ITPR3: variants seen among roughly 807,000 people sequenced by gnomAD.
ITPR3 encodes the protein inositol 1,4,5-trisphosphate receptor type 3.
In ITPR3, 173 loss-of-function variants were observed where a neutral mutation model predicts 293.2. The observed-to-expected ratio is 0.59, with a 90% CI of 0.52 to 0.67. The LOEUF (loss-of-function observed/expected upper bound fraction) is 0.67, where lower values mean the gene tolerates loss of function less well. Among genes scored for constraint, ITPR3 ranks in the 30% least tolerant of loss-of-function variants. The probability of loss-of-function intolerance (pLI) is 0.00; values close to 1 mark genes in which losing one functional copy is unlikely to be tolerated. For missense variants in ITPR3, 2,796 were observed against 3,592.1 expected, an observed-to-expected ratio of 0.78 and a Z score of 5.66; for synonymous variants, 1,295 against 1,444.4, an observed-to-expected ratio of 0.90 and a Z score of 2.35.
chr6:33,649,079 A>G (rs1183037978), intron 2 of ITPR3, among the ~76,000 whole-genome samples: 1 of 145,690 alleles, frequency 6.9e-6, no homozygotes, highest in Non-Finnish European at 1.5e-5. Context: ...ATTTTTTTGT[A>G]TTTTCAGTAG....
At chr6:33,673,322 C>T (rs113087730) in intron 22 of ITPR3, among the ~76,000 whole-genome samples, 2 of 152,118 alleles carry the variant, frequency 1.3e-5, no homozygotes, top group African/African-American at 2.4e-5. Context: ...CAGGGGTGCT[C>T]GCTGCCTCAT....
chr6:33,626,028 A>G (rs1478644281), intron 1 of ITPR3, among the ~76,000 whole-genome samples: 1 of 152,136 alleles, frequency 6.6e-6, no homozygotes, highest in Non-Finnish European at 1.5e-5. Context: ...TTAATCTCCC[A>G]GGCTCAAGCA....
At chr6:33,627,251 C>T (rs1763569104) in intron 1 of ITPR3, among the ~76,000 whole-genome samples, 2 of 152,028 alleles carry the variant, frequency 1.3e-5, no homozygotes, top group Admixed American at 6.5e-5. Flanking sequence ...AAAAAATATA[C>T]ATTCCATGGA....
Position 33,670,217 on chromosome 6 carries a change from A to T in ITPR3, c.2190-108A>T. ...CAGAATTGCAGCTGGCGCATCTTTA[A>T]CCTAATCCCTTTGCCACTTTACTGA... On this transcript the variant is annotated intron_variant, in intron 18 of 57. Coordinates refer to ENST00000605930, the MANE Select transcript of ITPR3 (RefSeq NM_002224.4). The surrounding 1 kb of genome is among the most constrained non-coding windows in gnomAD (Gnocchi z 6.7). The T allele has an allele frequency of 8.2e-7, 1 of 1,214,412 alleles. No homozygotes were observed. The highest frequency in any genetic ancestry group is 1.2e-6 in the Non-Finnish European group (1 of 844,848). 75.2% of individuals were successfully genotyped at this position (1,214,412 alleles called of 1,614,324 possible). A position where few individuals can be genotyped will look rare whatever the true frequency, so the allele number is the denominator to read the frequency against.
intron 25 of ITPR3, 126 bp from the exon 26 acceptor site, chr6:33,676,642 C>G: frequency 8.8e-7 from 1 of 1,134,548 alleles, no homozygotes; most frequent in African/African-American, 1.6e-5. Context: ...TGGGAATCGG[C>G]TCGGTGGAGA....
At position 33,673,646 on chromosome 6, in the gene ITPR3, A is replaced by G; in HGVS notation, c.2984A>G (p.Lys995Arg). The G allele has an allele frequency of 6.2e-7, 1 of 1,614,154 alleles. No individual in the cohort carries two copies. The highest frequency in any genetic ancestry group is 8.5e-7 in the Non-Finnish European group (1 of 1,180,008). Reference protein sequence around the residue: ...YRISYLLSVFKKEFVEVFPMQ... With the variant: ...YRISYLLSVFRKEFVEVFPMQ... ...ATATCCTACCTGCTGTCTGTCTTCA[A>G]GAAGGAGTTTGTGGAGGTGTTTCCC... The change falls in exon 23 of 58, where the codon AAG becomes AGG. Residue 995 changes from lysine (K) to arginine (R), a missense_variant. Physicochemically the swap from Lys to Arg is conservative, Grantham distance 26. This residue lies in a region of ITPR3 where 955 missense variants were observed against 1,180.8 expected (regional missense o/e 0.81). Transcript: ENST00000605930.
chr6:33,693,511 C>A, intron 55 of ITPR3, 34 bp from the exon 56 acceptor site: 1 of 1,608,500 alleles, frequency 6.2e-7, no homozygotes, highest in Non-Finnish European at 8.5e-7. Context: ...CTCTTGAAGG[C>A]TGATGGTTTC....
chr6:33,678,878 T>G, intron 30 of ITPR3, 39 bp downstream of exon 30: 5 of 1,560,700 alleles, frequency 3.2e-6, no homozygotes, highest in African/African-American at 1.4e-5. Context: ...CATCTTGGGG[T>G]GGGGGACCGG....
chr6:33,680,002 C>G lies in ITPR3; in HGVS notation c.4093C>G (p.His1365Asp). 1 of 1,613,954 alleles carries G rather than the reference C, an allele frequency of 6.2e-7. No individual in the cohort carries two copies. Among genetic ancestry groups the G allele is most frequent in the Non-Finnish European group, 8.5e-7 (1 of 1,180,042 alleles). ...GVEDHSPLMYHISLVDLLAAC... is the reference protein window; with the variant it reads ...GVEDHSPLMYDISLVDLLAAC... Reference sequence around the variant, plus strand: ...GGAGGACCACAGCCCCCTCATGTACCACATTTCCCTGGTGGACCTGCTGGC... The same window carrying G: ...GGAGGACCACAGCCCCCTCATGTACGACATTTCCCTGGTGGACCTGCTGGC... Residue 1365 changes from histidine (H) to aspartate (D), a missense_variant, in exon 31 of 58, where the codon CAC becomes GAC. His to Asp is a moderately conservative substitution (Grantham distance 81). Transcript: ENST00000605930.
In ITPR3 at chr6:33,685,784, G is replaced by A. The variant is rs770680251; in HGVS notation, c.5624G>A (p.Arg1875His). Residue 1875 changes from arginine (R) to histidine (H), a missense_variant, in exon 41 of 58, where the codon CGC becomes CAC. This residue lies in a region of ITPR3 where 704 missense variants were observed against 797.5 expected (regional missense o/e 0.88). Coordinates refer to ENST00000605930, the MANE Select transcript of ITPR3 (RefSeq NM_002224.4). ...TSVLIMQPIL[R>H]FLQLLCENHN... is the part of the protein sequence containing the mutation. ...GTGCTCATCATGCAGCCCATCCTGCGCTTTCTGCAGCTGCTGTGTGAGAAC... is the reference window on the plus strand; with the variant it reads ...GTGCTCATCATGCAGCCCATCCTGCACTTTCTGCAGCTGCTGTGTGAGAAC... 2.6e-5 allele frequency: 42 copies of A among 1,589,088 alleles called. No individual in the cohort carries two copies. The highest frequency in any genetic ancestry group is 1.6e-4 in the African/African-American group (12 of 74,306).
At chr6:33,629,531 A>T (rs1009972688) in intron 1 of ITPR3, among the ~76,000 whole-genome samples, 3 of 150,816 alleles carry the variant, frequency 2.0e-5, no homozygotes, top group African/African-American at 7.3e-5. Context: ...CCCAGGCTAG[A>T]GTGCAATGGT....
Position 33,692,743 on chromosome 6 carries a change from G to A in ITPR3, c.7474G>A (p.Ala2492Thr). 6.2e-7 allele frequency: 1 copy of A among 1,614,044 alleles called. No individual in the cohort carries two copies. The highest frequency in any genetic ancestry group is 8.5e-7 in the Non-Finnish European group (1 of 1,179,986). The stretch of plus-strand genomic sequence containing the variant: ...TCCCCTGCAGGAGTCTCTCTTCCCA[G>A]CCCGAGTGGTCTATGACCTCCTGTT... Reference protein sequence around the residue: ...KPSKDESLFPARVVYDLLFFF... With the variant: ...KPSKDESLFPTRVVYDLLFFF... Residue 2492 changes from alanine to threonine, a missense_variant, in exon 55 of 58, where the codon GCC becomes ACC. By Grantham distance (58) the Ala-to-Thr change is moderately conservative. Around this residue, in one of 8 missense-constraint regions of ITPR3, gnomAD observed 568 missense variants for 796.1 expected, o/e 0.71. Coordinates refer to ENST00000605930, the MANE Select transcript of ITPR3 (RefSeq NM_002224.4). The surrounding 1 kb of genome is among the most constrained non-coding windows in gnomAD (Gnocchi z 4.2).
In ITPR3 at chr6:33,666,988, T is replaced by C; in HGVS notation, c.1552-141T>C. The C allele has an allele frequency of 1.0e-6, 1 of 999,422 alleles. No homozygotes were observed. Among genetic ancestry groups the C allele is most frequent in the Non-Finnish European group, 1.5e-6 (1 of 670,782 alleles). The allele number at this position is 999,422 out of a possible 1,614,324, so 61.9% of individuals were successfully genotyped here. A position where few individuals can be genotyped will look rare whatever the true frequency, so the allele number is the denominator to read the frequency against. On this transcript the variant is annotated intron_variant, in intron 14 of 57. Coordinates refer to ENST00000605930, the MANE Select transcript of ITPR3 (RefSeq NM_002224.4). The surrounding 1 kb of genome is among the most constrained non-coding windows in gnomAD (Gnocchi z 5.1). ...GAGGATGGCTGGGCTGGGGTTGTGG[T>C]CCAGCTTAGAATCAGCTCGAAGCTG...
chr6:33,672,846 C>A lies in ITPR3; in HGVS notation c.2928+618C>A, dbSNP rs369543525. On this transcript the variant is annotated intron_variant, in intron 22 of 57. Transcript: ENST00000605930. This position sits in a 1 kb window ranked among gnomAD's most constrained non-coding sequence, Gnocchi z 5.0. ...AACCTATTTCTTGGCAAGGTGGATG[C>A]AGTCATCCCTGTTGTGGTCTCATCT... Among the ~76,000 whole-genome samples the A allele has an allele frequency of 1.1e-3, 165 of 152,304 alleles. No homozygotes were observed. In the Middle Eastern group the frequency reaches 0.017, roughly 16 times the overall value.
Position 33,685,823 on chromosome 6 carries a change from T to C in ITPR3, c.5663T>C (p.Leu1888Pro). The C allele has an allele frequency of 6.4e-7, 1 of 1,562,742 alleles. No homozygotes were observed. Among genetic ancestry groups the C allele is most frequent in the Non-Finnish European group, 8.7e-7 (1 of 1,150,824 alleles). Residue 1888 changes from leucine (L) to proline (P), a missense_variant, in exon 41 of 58, where the codon CTG becomes CCG. Coordinates refer to ENST00000605930, the MANE Select transcript of ITPR3 (RefSeq NM_002224.4). Reference sequence around the variant, plus strand: ...CTGTGTGAGAACCACAACCGGGACCTGCAGGTGAGTGCCTCGCCACACACC... The same window carrying C: ...CTGTGTGAGAACCACAACCGGGACCCGCAGGTGAGTGCCTCGCCACACACC... ...QLLCENHNRDLQNFLRCQNNK... is the reference protein window; with the variant it reads ...QLLCENHNRDPQNFLRCQNNK...
In ITPR3 at chr6:33,669,271, C is replaced by T. The variant is rs1445181661; in HGVS notation, c.2189+115C>T. 2.7e-5 allele frequency: 29 copies of T among 1,091,304 alleles called. No homozygotes were observed. In the Admixed American group the frequency reaches 6.7e-4, roughly 25 times the overall value. 67.6% of individuals were successfully genotyped at this position (1,091,304 alleles called of 1,614,324 possible). A position where few individuals can be genotyped will look rare whatever the true frequency, so the allele number is the denominator to read the frequency against. On this transcript the variant is annotated intron_variant, in intron 18 of 57. Coordinates refer to ENST00000605930, the MANE Select transcript of ITPR3 (RefSeq NM_002224.4). Reference sequence around the variant, plus strand: ...TGACAGCCTCAGGTGGGGCTCCTGCCTCCTCAGAAGCGGAGTCCCTGCTGT... The same window carrying T: ...TGACAGCCTCAGGTGGGGCTCCTGCTTCCTCAGAAGCGGAGTCCCTGCTGT...
Position 33,684,034 on chromosome 6 carries a change from C to T in ITPR3, c.4803C>T (p.Ala1601=). The change falls in exon 36 of 58, where the codon GCC becomes GCT. Residue 1601 remains alanine, a synonymous_variant. Transcript: ENST00000605930. The surrounding 1 kb of genome is among the most constrained non-coding windows in gnomAD (Gnocchi z 4.2). ...GCCCACCCCAGGACATCATCACAGC[C>T]CTGGAGGAGCGGCTGAAGCCCCTGG... is the stretch of plus-strand genomic sequence containing the variant. The part of the protein sequence containing the change: ...IIEKLQDIIT[A]LEERLKPLVQ... 6.2e-7 allele frequency: 1 copy of T among 1,609,730 alleles called. No individual in the cohort carries two copies. Among genetic ancestry groups the T allele is most frequent in the Non-Finnish European group, 8.5e-7 (1 of 1,179,242 alleles).
chr6:33,694,722 AGAGGG>A, intron 56 of ITPR3, 197 bp from the exon 57 acceptor site: 27 of 594,788 alleles, frequency 4.5e-5, no homozygotes, highest in Admixed American at 3.2e-4. Flanking sequence ...TCTCGGTGGC[AGAGGG>A]TTGACAAGAG....
In ITPR3 at chr6:33,667,743, T is replaced by C; in HGVS notation, c.1714-49T>C. The C allele has an allele frequency of 6.2e-7, 1 of 1,600,884 alleles. No individual in the cohort carries two copies. The highest frequency in any genetic ancestry group is 2.2e-5 in the East Asian group (1 of 44,692). ...AGCGTTCCAGAGCAGAGCTGGGCCCTTGGCCCACCTGTGACTCTCTGTGAC... is the reference window on the plus strand; with the variant it reads ...AGCGTTCCAGAGCAGAGCTGGGCCCCTGGCCCACCTGTGACTCTCTGTGAC... On this transcript the variant is annotated intron_variant, in intron 15 of 57. Coordinates refer to ENST00000605930, the MANE Select transcript of ITPR3 (RefSeq NM_002224.4). The surrounding 1 kb of genome is among the most constrained non-coding windows in gnomAD (Gnocchi z 4.4).
Sources: allele counts gnomAD v4.1 joint callset (sites outside exome capture counted in the v4.1 genomes callset), GRCh38; gene constraint gnomAD v4.1.1; regional missense constraint gnomAD v4.1.1; non-coding constraint Gnocchi (gnomAD v3.1); transcripts MANE v1.5; gene names NCBI Gene and HGNC (gene_info 2026-07-23, HGNC 2026-07-21).